The following SMARCA4 variants were observed in gnomAD, a reference collection of about 807,000 sequenced individuals.
SMARCA4 encodes the protein SWI/SNF related BAF chromatin remodeling complex subunit ATPase 4, also known as SWI/SNF-related matrix-associated actin-dependent regulator of chromatin subfamily A member 4.
A neutral mutation model predicts 193.9 loss-of-function variants in SMARCA4; 31 were observed. The ratio of observed to expected loss-of-function variants is 0.16; its 90% CI spans 0.12 to 0.22. SMARCA4 has a LOEUF of 0.22. SMARCA4 is among the 10% of genes least tolerant of loss of function. The pLI is 1.00. For missense variants in SMARCA4, 1,148 were observed against 2,296.0 expected (o/e 0.50, Z 10.22); for synonymous variants, 942 against 933.1 (o/e 1.01, Z -0.17).
intron 1 of SMARCA4, among the ~76,000 whole-genome samples, chr19:10,980,417 C>T (rs1349446499): frequency 6.6e-6 from 1 of 152,112 alleles, no homozygotes; most frequent in Non-Finnish European, 1.5e-5. Flanking sequence ...TGGAGCCGTT[C>T]CTGGAGGCTG....
At position 10,987,125 on chromosome 19, in the gene SMARCA4, T is replaced by A; in HGVS notation, c.859+122T>A. ...GGTGGTCAGGCTGAACTGCAGCCTG[T>A]ACTTTTCTTGTGGTGGTCCCCGGGT... On this transcript the variant is annotated intron_variant, in intron 5 of 34. Transcript: ENST00000344626. The surrounding 1 kb of genome is among the most constrained non-coding windows in gnomAD (Gnocchi z 5.3). The A allele has an allele frequency of 1.4e-6, 1 of 738,366 alleles. No homozygotes were observed. Among genetic ancestry groups the A allele is most frequent in the Non-Finnish European group, 2.4e-6 (1 of 421,528 alleles). 45.7% of individuals were successfully genotyped at this position (738,366 alleles called of 1,614,324 possible).
At chr19:11,053,593 G>C (rs2076384840) in intron 30 of SMARCA4, among the ~76,000 whole-genome samples, 1 of 152,170 alleles carries the variant, frequency 6.6e-6, no homozygotes, top group Non-Finnish European at 1.5e-5. Flanking sequence ...AGTTGCAACA[G>C]AGGCAGGCCC....
In SMARCA4 at chr19:10,984,649, C is replaced by G. The variant is rs1470009131; in HGVS notation, c.222+276C>G. On this transcript the variant is annotated intron_variant, in intron 2 of 34. Transcript: ENST00000344626. The surrounding 1 kb of genome is among the most constrained non-coding windows in gnomAD (Gnocchi z 4.3). ...TTCTGCATGTGAAATTTGGGAATAT[C>G]ACTACAAAGTTTTCTTTTGGTAATG... 1.3e-5 allele frequency among the ~76,000 whole-genome samples: 2 copies of G among 152,254 alleles called. No individual in the cohort carries two copies. Among genetic ancestry groups the G allele is most frequent in the African/African-American group, 2.4e-5 (1 of 41,470 alleles).
At position 10,987,156 on chromosome 19, in the gene SMARCA4, CT is replaced by C. The variant is rs1277003695; in HGVS notation, c.859+154del. Among the ~76,000 whole-genome samples the C allele has an allele frequency of 6.6e-6, 1 of 152,202 alleles. No individual in the cohort carries two copies. Among genetic ancestry groups the C allele is most frequent in the African/African-American group, 2.4e-5 (1 of 41,438 alleles). ...TCTTGTGGTGGTCCCCGGGTCTCCC[CT>C]GTAGCCAGTCAGTTCCCAAAGGCTG... is the stretch of plus-strand genomic sequence containing the variant. On this transcript the variant is annotated intron_variant, in intron 5 of 34. Transcript: ENST00000344626. This position sits in a 1 kb window ranked among gnomAD's most constrained non-coding sequence, Gnocchi z 5.3.
chr19:10,973,040 C>T (rs1489693947), intron 1 of SMARCA4, among the ~76,000 whole-genome samples: 1 of 151,822 alleles, frequency 6.6e-6, no homozygotes, highest in Non-Finnish European at 1.5e-5. Flanking sequence ...ACCCGGGAGG[C>T]CGAGGTTGCG....
chr19:10,994,274 C>T (rs1050723262), intron 8 of SMARCA4, among the ~76,000 whole-genome samples: 1 of 149,788 alleles, frequency 6.7e-6, no homozygotes, highest in Non-Finnish European at 1.5e-5. Context: ...AACTCCTGAC[C>T]TCAGGCATTT....
chr19:11,050,641 G>T (rs2076206529), intron 30 of SMARCA4, among the ~76,000 whole-genome samples: 1 of 152,254 alleles, frequency 6.6e-6, no homozygotes, highest in Non-Finnish European at 1.5e-5. Flanking sequence ...GTCCCTCCTG[G>T]CTCTTCAGAG....
intron 24 of SMARCA4, among the ~76,000 whole-genome samples, chr19:11,028,741 G>A (rs978809121): frequency 6.6e-6 from 1 of 152,246 alleles, no homozygotes; most frequent in African/African-American, 2.4e-5. Context: ...GACAGGGCAC[G>A]TGAGACATGT....
At chr19:11,038,514 C>T (rs1239526811) in intron 29 of SMARCA4, among the ~76,000 whole-genome samples, 2 of 152,176 alleles carry the variant, frequency 1.3e-5, no homozygotes, top group African/African-American at 4.8e-5. Context: ...GCCCCTCAGG[C>T]TCTCAGCTTC....
chr19:10,997,434 G>A (rs1399876605), intron 11 of SMARCA4, among the ~76,000 whole-genome samples: 1 of 151,246 alleles, frequency 6.6e-6, no homozygotes, highest in Admixed American at 6.6e-5. Flanking sequence ...TCCTGACCTC[G>A]TGAACATCGG....
intron 19 of SMARCA4, among the ~76,000 whole-genome samples, chr19:11,022,777 C>A (rs996364564): frequency 2.0e-5 from 3 of 152,104 alleles, no homozygotes; most frequent in Non-Finnish European, 4.4e-5. Context: ...CTTCTGATGG[C>A]GAAACCGAGG....
chr19:10,969,694 T>C (rs545766089), intron 1 of SMARCA4, among the ~76,000 whole-genome samples: 5 of 152,130 alleles, frequency 3.3e-5, no homozygotes, highest in Non-Finnish European at 5.9e-5. Flanking sequence ...CCTCCCGAAG[T>C]GCTGGGATTA....
intron 21 of SMARCA4, among the ~76,000 whole-genome samples, chr19:11,024,964 C>T (rs1310295999): frequency 1.3e-5 from 2 of 151,770 alleles, no homozygotes; most frequent in Admixed American, 1.3e-4. Flanking sequence ...CTAGTCCATT[C>T]CCAGCCCAGA....
intron 33 of SMARCA4, 51 bp from the exon 34 acceptor site, chr19:11,059,994 G>T (rs758839533): frequency 1.9e-6 from 3 of 1,607,828 alleles, no homozygotes; most frequent in African/African-American, 1.3e-5. Context: ...TGCTGTGGGG[G>T]TGCTGCATTC....
At chr19:11,044,300 G>T (rs1408593991) in intron 30 of SMARCA4, among the ~76,000 whole-genome samples, 1 of 152,196 alleles carries the variant, frequency 6.6e-6, no homozygotes, top group Non-Finnish European at 1.5e-5. Context: ...AAATCTTCAT[G>T]AGTAGGCATC....
In SMARCA4 at chr19:11,058,711, T is replaced by C. The variant is rs1013803267; in HGVS notation, c.4534-77T>C. On this transcript the variant is annotated intron_variant, in intron 31 of 34. Transcript: ENST00000344626. This position sits in a 1 kb window ranked among gnomAD's most constrained non-coding sequence, Gnocchi z 5.8. ...GCACGAGGAATCCTAGCCCGTGGGG[T>C]CTCCAGCACACAGCCAGGCCTGCGG... 8.0e-6 allele frequency: 10 copies of C among 1,242,436 alleles called. No individual in the cohort carries two copies. Among genetic ancestry groups the C allele is most frequent in the South Asian group, 1.2e-5 (1 of 83,206 alleles). The allele number at this position is 1,242,436 out of a possible 1,614,324, so 77.0% of individuals were successfully genotyped here.
At chr19:11,021,352 C>T in intron 18 of SMARCA4, 1 of 372,974 alleles carries the variant, frequency 2.7e-6, no homozygotes. Context: ...AGACCCTCCA[C>T]ACCAGCAGGA....
intron 1 of SMARCA4, among the ~76,000 whole-genome samples, chr19:10,975,288 T>A (rs1599860673): frequency 6.6e-6 from 1 of 150,868 alleles, no homozygotes; most frequent in African/African-American, 2.4e-5. Context: ...AGTGCTGGGA[T>A]TATAGGCATT....
At position 11,041,163 on chromosome 19, in the gene SMARCA4, T is replaced by G. The variant is rs2075584044; in HGVS notation, c.4171-144T>G. On this transcript the variant is annotated intron_variant, in intron 29 of 34. Transcript: ENST00000344626. This position sits in a 1 kb window ranked among gnomAD's most constrained non-coding sequence, Gnocchi z 5.6. ...ACCCCTTGAGAGTCCCAGTGTGTGT[T>G]ATGCCCCGAGCCAGTCAAGCTGAAG... The G allele has an allele frequency of 1.6e-5, 13 of 837,728 alleles. No homozygotes were observed. In the South Asian group the frequency reaches 2.0e-4, roughly 13 times the overall value. 51.9% of individuals were successfully genotyped at this position (837,728 alleles called of 1,614,324 possible).
Sources: gnomAD v4.1 joint callset for allele counts (sites outside exome capture counted in the v4.1 genomes callset) on GRCh38, gnomAD v4.1.1 for gene constraint, Gnocchi (gnomAD v3.1) non-coding constraint, MANE v1.5 for transcripts, NCBI Gene and HGNC (gene_info 2026-07-23, HGNC 2026-07-21) for gene names.